Variants in CRX observed in about 807,000 individuals in gnomAD.
CRX encodes the protein cone-rod homeobox, also known as cone-rod homeobox protein.
Under a neutral mutation model 13.1 loss-of-function variants are expected in CRX, and 5 were observed. That is an observed-to-expected ratio of 0.38 (90% confidence interval 0.20 to 0.80). The LOEUF (loss-of-function observed/expected upper bound fraction) is 0.80. Ranked by LOEUF, CRX falls within the 30% of genes least tolerant of loss-of-function variation. The pLI, the probability that CRX is intolerant of heterozygous loss-of-function variation, is 0.43. For missense variants in CRX, 351 were observed against 391.8 expected (o/e 0.90, Z 0.88); for synonymous variants, 179 against 171.1 (o/e 1.05, Z -0.36).
In CRX at chr19:47,839,253, G is replaced by A. The variant is rs149862666; in HGVS notation, c.253-67G>A. 1.2e-3 allele frequency: 1,878 copies of A among 1,540,784 alleles called. 31 individuals are homozygous for A. The East Asian group carries it at 0.04, about 33-fold the overall frequency. ...TCACCAATAAGTGTCCTCATCCCCG[G>A]GCACCCTGCGGCTCTCCTGGGCCTC... On this transcript the variant is annotated intron_variant, in intron 3 of 3. Transcript: ENST00000221996. The surrounding 1 kb of genome is among the most constrained non-coding windows in gnomAD (Gnocchi z 4.6).
At chr19:47,828,801 C>T (rs1968008084) in intron 1 of CRX, among the ~76,000 whole-genome samples, 1 of 151,242 alleles carries the variant, frequency 6.6e-6, no homozygotes, top group Non-Finnish European at 1.5e-5. Context: ...TTTCTGAGTC[C>T]ATCCTAATGA....
chr19:47,834,237 C>T (rs1460638296), intron 1 of CRX, among the ~76,000 whole-genome samples, 172 bp from the exon 2 acceptor site: 1 of 152,152 alleles, frequency 6.6e-6, no homozygotes, highest in Non-Finnish European at 1.5e-5. Flanking sequence ...CTCTGAGAAC[C>T]TTAAGCAGAG....
At chr19:47,833,129 G>T (rs1968074509) in intron 1 of CRX, among the ~76,000 whole-genome samples, 1 of 149,810 alleles carries the variant, frequency 6.7e-6, no homozygotes, top group Non-Finnish European at 1.5e-5. Context: ...CAGAGATGGG[G>T]GTCTCACTAT....
At chr19:47,822,608 G>C (rs2123727477) in intron 1 of CRX, among the ~76,000 whole-genome samples, 1 of 152,314 alleles carries the variant, frequency 6.6e-6, no homozygotes, top group South Asian at 2.1e-4. Context: ...ACTTGGGCCT[G>C]CCCGAGAGAG....
intron 3 of CRX, among the ~76,000 whole-genome samples, chr19:47,838,212 T>A (rs910027175): frequency 6.8e-6 from 1 of 146,596 alleles, no homozygotes; most frequent in African/African-American, 2.4e-5. Context: ...AATGTATGCA[T>A]GATGCATGTG....
chr19:47,824,148 T>C (rs1391387486), intron 1 of CRX, among the ~76,000 whole-genome samples: 1 of 152,002 alleles, frequency 6.6e-6, no homozygotes, highest in African/African-American at 2.4e-5. Flanking sequence ...GTTTCTAGGG[T>C]CCCTAGGTAG....
intron 3 of CRX, among the ~76,000 whole-genome samples, chr19:47,836,771 T>C (rs1458536451): frequency 3.3e-5 from 5 of 152,356 alleles, no homozygotes; most frequent in Admixed American, 1.3e-4. Flanking sequence ...ATGATTTACA[T>C]ATGGTATCTC....
chr19:47,836,151 C>G (rs1396077905), intron 2 of CRX, 92 bp from the exon 3 acceptor site: 1 of 1,504,030 alleles, frequency 6.6e-7, no homozygotes, highest in Non-Finnish European at 9.2e-7. Flanking sequence ...AGATGGCAAC[C>G]AGGATGGAAT....
intron 3 of CRX, among the ~76,000 whole-genome samples, chr19:47,837,471 G>A (rs940191541): frequency 6.6e-6 from 1 of 152,156 alleles, no homozygotes; most frequent in African/African-American, 2.4e-5. Flanking sequence ...CCGGCCGGAT[G>A]GGTGTATTTA....
Position 47,834,438 on chromosome 19 carries a change from A to G in CRX, c.-6A>G. 6.2e-7 allele frequency: 1 copy of G among 1,612,902 alleles called. No individual in the cohort carries two copies. The highest frequency in any genetic ancestry group is 1.1e-5 in the South Asian group (1 of 91,034). On this transcript the variant is annotated 5_prime_UTR_variant, in exon 2 of 4. Coordinates refer to ENST00000221996, the MANE Select transcript of CRX (RefSeq NM_000554.6). Reference sequence around the variant, plus strand: ...CCTGACTTGGGCCTCAGTGTCCCCGAAGATCATGATGGCGTATATGAACCC... The same window carrying G: ...CCTGACTTGGGCCTCAGTGTCCCCGGAGATCATGATGGCGTATATGAACCC...
intron 3 of CRX, among the ~76,000 whole-genome samples, chr19:47,837,654 G>A (rs1968134177): frequency 9.7e-6 from 1 of 103,544 alleles, no homozygotes; most frequent in South Asian, 2.8e-4. Flanking sequence ...ATAATCAGAT[G>A]GATGGATGAA....
chr19:47,827,253 T>C (rs1218631015), intron 1 of CRX, among the ~76,000 whole-genome samples: 1 of 152,160 alleles, frequency 6.6e-6, no homozygotes, highest in Non-Finnish European at 1.5e-5. Context: ...CAGGTTTTAC[T>C]TGTTCTTTCT....
At chr19:47,836,028 C>T (rs987655309) in intron 2 of CRX, among the ~76,000 whole-genome samples, 6 of 152,196 alleles carry the variant, frequency 3.9e-5, no homozygotes, top group East Asian at 1.9e-4. Flanking sequence ...AAAAACGACT[C>T]GCACACCTCC....
chr19:47,839,456 A>C lies in CRX; in HGVS notation c.389A>C (p.Asp130Ala), dbSNP rs745750959. The change falls in exon 4 of 4, where the codon GAT becomes GCT. Residue 130 changes from aspartate to alanine, a missense_variant. Asp to Ala is a moderately radical substitution (Grantham distance 126, BLOSUM62 -2). Around this residue, in one of 3 missense-constraint regions of CRX, gnomAD observed 253 missense variants for 268.3 expected, o/e 0.94. Coordinates refer to ENST00000221996, the MANE Select transcript of CRX (RefSeq NM_000554.6). This position sits in a 1 kb window ranked among gnomAD's most constrained non-coding sequence, Gnocchi z 4.6. ...KAGTSPRPST[D>A]VCPDPLGISD... is the part of the protein sequence containing the mutation. ...GGCACGTCCCCAAGACCCTCCACAG[A>C]TGTGTGTCCAGACCCTCTGGGCATC... is the stretch of plus-strand genomic sequence containing the variant. The C allele has an allele frequency of 2.5e-6, 4 of 1,613,834 alleles. No individual in the cohort carries two copies. Among genetic ancestry groups the C allele is most frequent in the Non-Finnish European group, 3.4e-6 (4 of 1,179,866 alleles).
intron 1 of CRX, among the ~76,000 whole-genome samples, chr19:47,832,103 A>ATTTTTTTTT (rs1968054388): frequency 5.1e-4 from 28 of 55,170 alleles, no homozygotes; most frequent in South Asian, 1.2e-3. Flanking sequence ...GAGCAGCCTT[A>ATTTTTTTTT]TGTTTTTTTT....
At chr19:47,837,146 T>C (rs1210861660) in intron 3 of CRX, among the ~76,000 whole-genome samples, 3 of 152,222 alleles carry the variant, frequency 2.0e-5, no homozygotes, top group Non-Finnish European at 4.4e-5. Flanking sequence ...TATGTATACA[T>C]GCTTGCATGA....
rs144474351 is a variant in CRX at position 47,826,468 on chromosome 19, G to A, written c.-36+4458G>A. Among the ~76,000 whole-genome samples, 693 of 152,232 alleles carry A rather than the reference G, an allele frequency of 4.6e-3. 2 individuals are homozygous for A. Among genetic ancestry groups the A allele is most frequent in the Middle Eastern group, 6.8e-3 (2 of 294 alleles). On this transcript the variant is annotated intron_variant, in intron 1 of 3. Coordinates refer to ENST00000221996, the MANE Select transcript of CRX (RefSeq NM_000554.6). ...CAAAAATTTAAAAAATTAGCTAGGC[G>A]TTGTGGCACACCTGTAGTCCCAGCT...
chr19:47,823,954 C>G (rs1269182836), intron 1 of CRX, among the ~76,000 whole-genome samples: 1 of 152,110 alleles, frequency 6.6e-6, no homozygotes, highest in Non-Finnish European at 1.5e-5. Context: ...CCGGCCGAGT[C>G]TGCGTTTAAA....
intron 2 of CRX, 81 bp downstream of exon 2, chr19:47,834,624 G>A (rs542772180): frequency 9.5e-5 from 111 of 1,171,140 alleles, no homozygotes; most frequent in Admixed American, 5.7e-4. Context: ...CCCCCAGGAA[G>A]AAGGCAATCA....
Sources: allele counts gnomAD v4.1 joint callset (sites outside exome capture counted in the v4.1 genomes callset), GRCh38; gene constraint gnomAD v4.1.1; regional missense constraint gnomAD v4.1.1; non-coding constraint Gnocchi (gnomAD v3.1); transcripts MANE v1.5; gene names NCBI Gene and HGNC (gene_info 2026-07-23, HGNC 2026-07-21).